The following RNF2 variants were observed in gnomAD, a reference collection of about 807,000 sequenced individuals.
RNF2 encodes the protein E3 ubiquitin-protein ligase RING2.
RNF2 carries 6 observed loss-of-function variants against 37.2 expected under a neutral mutation model. The ratio of observed to expected loss-of-function variants is 0.16; its 90% CI spans 0.09 to 0.32. The LOEUF (loss-of-function observed/expected upper bound fraction) is 0.32. Ranked by LOEUF, RNF2 falls within the 10% of genes least tolerant of loss-of-function variation. RNF2 has a pLI of 1.00. For missense variants in RNF2, 251 were observed against 404.0 expected (o/e 0.62, Z 3.25); for synonymous variants, 133 against 132.7 (o/e 1.00, Z -0.02).
intron 1 of RNF2, among the ~76,000 whole-genome samples, chr1:185,059,898 T>C (rs1042692889): frequency 2.6e-5 from 4 of 152,216 alleles, no homozygotes; most frequent in African/African-American, 9.6e-5. Flanking sequence ...CTCATCTTTC[T>C]GAATCTGATT....
chr1:185,060,487 G>C (rs1650566183), intron 1 of RNF2, among the ~76,000 whole-genome samples: 1 of 152,138 alleles, frequency 6.6e-6, no homozygotes, highest in Admixed American at 6.5e-5. Flanking sequence ...AAATTTTTCT[G>C]TTCTGCTTAG....
In RNF2 at chr1:185,070,638, C is replaced by CTT. The variant is rs893631238; in HGVS notation, c.-2-16897_-2-16896dup. Among the ~76,000 whole-genome samples the CTT allele has an allele frequency of 5.7e-3, 736 of 129,684 alleles. 25 individuals carry two copies. The East Asian group carries it at 0.072, about 13-fold the overall frequency. 85.1% of individuals were successfully genotyped at this position (129,684 alleles called of 152,430 possible). ...TCTGTAGACTGCAGTATTTTCTTTT[C>CTT]TTTTTTTTTTTTTTTTTTGAGACCG... On this transcript the variant is annotated intron_variant, in intron 1 of 6. Transcript: ENST00000367510.
In RNF2 at chr1:185,093,196, A is replaced by T; in HGVS notation, c.384A>T (p.Leu128Phe). The T allele has an allele frequency of 6.2e-7, 1 of 1,614,134 alleles. No homozygotes were observed. Among genetic ancestry groups the T allele is most frequent in the Non-Finnish European group, 8.5e-7 (1 of 1,180,004 alleles). ...ATGAAGCTCATCAAGAGAGAGTATTAGCCAGGATCAACAAGCACAATAATC... is the reference window on the plus strand; with the variant it reads ...ATGAAGCTCATCAAGAGAGAGTATTTGCCAGGATCAACAAGCACAATAATC... The part of the protein sequence containing the change: ...DEYEAHQERV[L>F]ARINKHNNQQ... Residue 128 changes from leucine to phenylalanine, a missense_variant, in exon 4 of 7, where the codon TTA becomes TTT. This residue lies in a region of RNF2 where 33 missense variants were observed against 46.8 expected (regional missense o/e 0.71). Coordinates refer to ENST00000367510, the MANE Select transcript of RNF2 (RefSeq NM_007212.4).
At chr1:185,088,663 T>C (rs1268384175) in intron 2 of RNF2, among the ~76,000 whole-genome samples, 1 of 152,200 alleles carries the variant, frequency 6.6e-6, no homozygotes, top group African/African-American at 2.4e-5. Context: ...TAAATTAGAC[T>C]TAACAATACA....
At chr1:185,070,313 G>A (rs1210488704) in intron 1 of RNF2, among the ~76,000 whole-genome samples, 1 of 152,170 alleles carries the variant, frequency 6.6e-6, no homozygotes, top group Non-Finnish European at 1.5e-5. Flanking sequence ...GCTAGTGACT[G>A]CTAGAGCAAG....
rs1571301034 is a variant in RNF2, at chr1:185,064,075, T to C, written c.-3+18426T>C. ...TAGGACGTGGACACCTTTGGGGACC[T>C]ATTATTCACACTGCCATAGTTAGAG... is the stretch of plus-strand genomic sequence containing the variant. On this transcript the variant is annotated intron_variant, in intron 1 of 6. Coordinates refer to ENST00000367510, the MANE Select transcript of RNF2 (RefSeq NM_007212.4). Among the ~76,000 whole-genome samples the C allele has an allele frequency of 3.9e-5, 6 of 152,340 alleles. No homozygotes were observed. The South Asian group carries it at 1.2e-3, about 32-fold the overall frequency.
chr1:185,072,889 G>A (rs550195024), intron 1 of RNF2, among the ~76,000 whole-genome samples: 2 of 152,190 alleles, frequency 1.3e-5, no homozygotes, highest in South Asian at 4.1e-4. Context: ...GCAGTGAGCC[G>A]AGATTGTGCC....
At chr1:185,096,829 G>C (rs1455840745) in intron 4 of RNF2, among the ~76,000 whole-genome samples, 1 of 149,658 alleles carries the variant, frequency 6.7e-6, no homozygotes, top group Non-Finnish European at 1.5e-5. Flanking sequence ...AATTTTATAA[G>C]CAGGATTTTT....
chr1:185,067,121 G>A (rs568466598), intron 1 of RNF2, among the ~76,000 whole-genome samples: 1 of 152,250 alleles, frequency 6.6e-6, no homozygotes, highest in Non-Finnish European at 1.5e-5. Flanking sequence ...AATCAAATTA[G>A]GAATTGATAT....
At chr1:185,046,532 G>T (rs1357833070) in intron 1 of RNF2, among the ~76,000 whole-genome samples, 2 of 152,072 alleles carry the variant, frequency 1.3e-5, no homozygotes, top group African/African-American at 4.8e-5. Flanking sequence ...TTATTTGCCC[G>T]CTAAGATCAA....
At chr1:185,061,175 T>C (rs1650590821) in intron 1 of RNF2, among the ~76,000 whole-genome samples, 1 of 148,730 alleles carries the variant, frequency 6.7e-6, no homozygotes, top group African/African-American at 2.5e-5. Context: ...ACGCCCAGGC[T>C]GGAGTGCAGT....
intron 4 of RNF2, 37 bp from the exon 5 acceptor site, chr1:185,098,035 A>T (rs1348113725): frequency 2.5e-6 from 4 of 1,602,352 alleles, no homozygotes; most frequent in Non-Finnish European, 3.4e-6. Flanking sequence ...AAGGCCTAAA[A>T]GTAAATTTTA....
intron 1 of RNF2, among the ~76,000 whole-genome samples, chr1:185,084,591 G>C (rs756985306): frequency 6.6e-6 from 1 of 152,150 alleles, no homozygotes; most frequent in Non-Finnish European, 1.5e-5. Flanking sequence ...GTCACAAAAG[G>C]CCATTGCATA....
chr1:185,078,662 C>T (rs1307997584), intron 1 of RNF2, among the ~76,000 whole-genome samples: 1 of 152,184 alleles, frequency 6.6e-6, no homozygotes, highest in African/African-American at 2.4e-5. Context: ...CAAATCCCAG[C>T]ACTTTGGGAG....
chr1:185,091,467 G>T, intron 2 of RNF2, 112 bp from the exon 3 acceptor site: 2 of 980,164 alleles, frequency 2.0e-6, no homozygotes, highest in Non-Finnish European at 1.5e-6. Context: ...GCAGTGGCTG[G>T]GTGATGGGTA....
intron 1 of RNF2, among the ~76,000 whole-genome samples, chr1:185,062,028 A>G (rs1321721664): frequency 6.6e-6 from 1 of 152,258 alleles, no homozygotes; most frequent in Non-Finnish European, 1.5e-5. Flanking sequence ...TTCAGTAACC[A>G]GTATTCCTGT....
In RNF2 at chr1:185,064,766, G is replaced by T. The variant is rs77216883; in HGVS notation, c.-3+19117G>T. Among the ~76,000 whole-genome samples the T allele has an allele frequency of 5.5e-3, 836 of 152,140 alleles. 32 individuals are homozygous for T. The East Asian group carries it at 0.085, about 15-fold the overall frequency. ...TCTGTAATACCTTTCAGAATGTTTT[G>T]TAATTTTCATTATGCAAGTCTTGTG... On this transcript the variant is annotated intron_variant, in intron 1 of 6. Coordinates refer to ENST00000367510, the MANE Select transcript of RNF2 (RefSeq NM_007212.4).
At chr1:185,051,817 T>C (rs553542452) in intron 1 of RNF2, among the ~76,000 whole-genome samples, 3 of 150,132 alleles carry the variant, frequency 2.0e-5, no homozygotes, top group East Asian at 1.9e-4. Flanking sequence ...TACATATATA[T>C]ACACACATTT....
chr1:185,070,260 A>G (rs190171207), intron 1 of RNF2, among the ~76,000 whole-genome samples: 15 of 152,328 alleles, frequency 9.8e-5, no homozygotes, highest in Admixed American at 7.2e-4. Flanking sequence ...TGCAGATTAA[A>G]AAAAAGCCTT....
Sources: gnomAD v4.1 joint callset for allele counts (sites outside exome capture counted in the v4.1 genomes callset) on GRCh38, gnomAD v4.1.1 for gene constraint, gnomAD v4.1.1 regional missense constraint, MANE v1.5 for transcripts, NCBI Gene and HGNC (gene_info 2026-07-23, HGNC 2026-07-21) for gene names.